Variants in LARS2 observed in about 807,000 individuals in gnomAD.
LARS2 encodes the protein leucine--tRNA ligase, mitochondrial.
In LARS2, 81 loss-of-function variants were observed where a neutral mutation model predicts 116.6. The observed-to-expected ratio is 0.69, with a 90% CI of 0.58 to 0.84. The LOEUF (loss-of-function observed/expected upper bound fraction) is 0.84. Among genes scored for constraint, LARS2 ranks in the 40% least tolerant of loss-of-function variants. The pLI is 0.00. For synonymous variants in LARS2, 396 were observed against 407.2 expected (o/e 0.97, Z 0.33); for missense variants, 968 against 1,114.5 (o/e 0.87, Z 1.87).
At chr3:45,462,669 T>G (rs116207073) in intron 8 of LARS2, among the ~76,000 whole-genome samples, 35 of 152,322 alleles carry the variant, frequency 2.3e-4, no homozygotes, top group African/African-American at 8.4e-4. Flanking sequence ...GGATAGGCAG[T>G]AAGCTGTGCC....
intron 20 of LARS2, chr3:45,541,524 G>A: frequency 3.0e-6 from 1 of 338,514 alleles, no homozygotes; most frequent in Non-Finnish European, 5.4e-6. Context: ...TCCTTCACCA[G>A]CAGAACTTCA....
intron 8 of LARS2, among the ~76,000 whole-genome samples, chr3:45,461,614 G>C (rs952882241): frequency 6.6e-6 from 1 of 152,278 alleles, no homozygotes; most frequent in Non-Finnish European, 1.5e-5. Flanking sequence ...AGATCACTGT[G>C]GAAGGAAGGG....
chr3:45,505,748 T>C (rs1420284481), intron 15 of LARS2, among the ~76,000 whole-genome samples: 1 of 152,086 alleles, frequency 6.6e-6, no homozygotes, highest in African/African-American at 2.4e-5. Flanking sequence ...AGACCATATG[T>C]AAGTGATTTC....
intron 16 of LARS2, among the ~76,000 whole-genome samples, chr3:45,513,587 C>G (rs544115171): frequency 2.0e-5 from 3 of 152,244 alleles, no homozygotes; most frequent in Admixed American, 6.5e-5. Flanking sequence ...AAGACACATT[C>G]TTCCAGAACT....
At chr3:45,427,825 CT>C (rs11456888) in intron 6 of LARS2, among the ~76,000 whole-genome samples, 97 of 141,704 alleles carry the variant, frequency 6.8e-4, no homozygotes, top group East Asian at 2.0e-3. Flanking sequence ...CCTTTTTTTT[CT>C]TTTTTTTTTT....
At chr3:45,467,103 G>A (rs1240776793) in intron 8 of LARS2, among the ~76,000 whole-genome samples, 1 of 152,138 alleles carries the variant, frequency 6.6e-6, no homozygotes, top group Non-Finnish European at 1.5e-5. Flanking sequence ...GAGGTTTTCT[G>A]TTTTGTTCTT....
intron 20 of LARS2, among the ~76,000 whole-genome samples, chr3:45,535,031 G>A (rs1013999164): frequency 1.3e-5 from 2 of 152,088 alleles, no homozygotes. Flanking sequence ...AAGACTCAAG[G>A]GTTCCTTTGC....
chr3:45,470,224 G>A (rs1308026965), intron 8 of LARS2, among the ~76,000 whole-genome samples: 1 of 152,156 alleles, frequency 6.6e-6, no homozygotes, highest in Non-Finnish European at 1.5e-5. Flanking sequence ...TTCTGTCTTA[G>A]GAAGTATGGA....
intron 19 of LARS2, among the ~76,000 whole-genome samples, chr3:45,521,646 A>G (rs1700457109): frequency 6.6e-6 from 1 of 152,234 alleles, no homozygotes; most frequent in African/African-American, 2.4e-5. Flanking sequence ...AAAGCATATG[A>G]AAAGATAATA....
chr3:45,491,876 C>T (rs1203147965), intron 13 of LARS2, 76 bp downstream of exon 13: 1 of 1,380,526 alleles, frequency 7.2e-7, no homozygotes, highest in East Asian at 2.3e-5. Flanking sequence ...AGCCTCCTCC[C>T]TCCTGGTGCT....
chr3:45,429,370 A>C (rs1034535164), intron 6 of LARS2, among the ~76,000 whole-genome samples: 1 of 152,198 alleles, frequency 6.6e-6, no homozygotes, highest in African/African-American at 2.4e-5. Flanking sequence ...ACTGTAGGAC[A>C]GGTCCCTGTT....
chr3:45,393,432 G>A (rs925887129), intron 2 of LARS2, among the ~76,000 whole-genome samples: 1 of 152,098 alleles, frequency 6.6e-6, no homozygotes. Flanking sequence ...AAAATTAGCC[G>A]GGCATGTTGG....
chr3:45,484,630 AAT>A lies in LARS2; in HGVS notation c.1019-1045_1019-1044del, dbSNP rs1553634444. Reference sequence around the variant, plus strand: ...AAAAAAAAAAAAAAAAAAAAAAAAAAATATATATATATATATATTTAAAATAA... The same window carrying A: ...AAAAAAAAAAAAAAAAAAAAAAAAAAATATATATATATATATTTAAAATAA... On this transcript the variant is annotated intron_variant, in intron 10 of 21. Transcript: ENST00000645846. Among the ~76,000 whole-genome samples, 34 of 9,748 alleles carry A rather than the reference AAT, an allele frequency of 3.5e-3. 5 individuals carry two copies. Among genetic ancestry groups the A allele is most frequent in the East Asian group, 0.034 (4 of 118 alleles). 6.4% of individuals were successfully genotyped at this position (9,748 alleles called of 152,430 possible).
intron 4 of LARS2, among the ~76,000 whole-genome samples, chr3:45,415,855 AAAAAAAT>A (rs1698405901): frequency 9.5e-6 from 1 of 105,524 alleles, no homozygotes; most frequent in Non-Finnish European, 1.8e-5. Context: ...CTCAAAAAAA[AAAAAAAT>A]ATATATATAT....
At chr3:45,507,194 C>T (rs377655244) in intron 15 of LARS2, among the ~76,000 whole-genome samples, 30 of 151,638 alleles carry the variant, frequency 2.0e-4, no homozygotes, top group African/African-American at 7.0e-4. Flanking sequence ...TGCAGGGGTT[C>T]GAGACCAGCC....
intron 1 of LARS2, among the ~76,000 whole-genome samples, chr3:45,389,788 C>G (rs1359081267): frequency 1.3e-5 from 2 of 152,216 alleles, no homozygotes; most frequent in Admixed American, 1.3e-4. Flanking sequence ...TCGTCTTATT[C>G]TCACAGCCGT....
At chr3:45,542,907 A>C (rs1036847156) in intron 21 of LARS2, among the ~76,000 whole-genome samples, 1 of 152,262 alleles carries the variant, frequency 6.6e-6, no homozygotes, top group Non-Finnish European at 1.5e-5. Context: ...GAGTAAGATA[A>C]ATAAAATGGC....
chr3:45,541,826 C>G lies in LARS2; in HGVS notation c.2405-3C>G. The G allele has an allele frequency of 6.2e-7, 1 of 1,614,044 alleles. No individual in the cohort carries two copies. Among genetic ancestry groups the G allele is most frequent in the Non-Finnish European group, 8.5e-7 (1 of 1,179,958 alleles). On this transcript the variant is annotated splice_polypyrimidine_tract_variant and splice_region_variant and intron_variant, in intron 20 of 21. Transcript: ENST00000645846. ...CCCACGCTTCTGTGCCTCGGCATTG[C>G]AGGCCTGGCGCTGGTGCCGAGGAAG...
At chr3:45,529,837 CTT>C (rs1419287701) in intron 20 of LARS2, among the ~76,000 whole-genome samples, 1 of 152,182 alleles carries the variant, frequency 6.6e-6, no homozygotes, top group African/African-American at 2.4e-5. Flanking sequence ...CATCCCATGT[CTT>C]TGAAATCCTG....
Sources: gnomAD v4.1 joint callset for allele counts (sites outside exome capture counted in the v4.1 genomes callset) on GRCh38, gnomAD v4.1.1 for gene constraint, MANE v1.5 for transcripts, NCBI Gene and HGNC (gene_info 2026-07-23, HGNC 2026-07-21) for gene names.